OPHN1: variants seen among roughly 807,000 people sequenced by gnomAD.
OPHN1 encodes the protein oligophrenin 1.
Under a neutral mutation model 60.7 loss-of-function variants are expected in OPHN1, and 11 were observed. That is an observed-to-expected ratio of 0.18 (90% confidence interval 0.11 to 0.30). The LOEUF is 0.30. Ranked by LOEUF, OPHN1 falls within the 10% of genes least tolerant of loss-of-function variation. OPHN1 has a pLI of 1.00. For missense variants in OPHN1, 449 were observed against 611.0 expected (o/e 0.73, Z 2.80); for synonymous variants, 226 against 222.6 (o/e 1.02, Z -0.14).
In OPHN1 at chrX:68,053,647, A is replaced by C. The variant is rs775838595; in HGVS notation, c.2322T>G (p.Ser774=). The C allele has an allele frequency of 8.3e-7, 1 of 1,210,993 alleles. No individual in the cohort carries two copies. Among genetic ancestry groups the C allele is most frequent in the Non-Finnish European group, 1.1e-6 (1 of 895,098 alleles). ...CTTTGAGGTACAACCCTACTTACACAGATGATGTGATTTCCCCCGCATTGC... is the reference window on the plus strand; with the variant it reads ...CTTTGAGGTACAACCCTACTTACACCGATGATGTGATTTCCCCCGCATTGC... ...VAGNAGEITS[S]VVASRTRFFE... Residue 774 remains serine, a splice_region_variant and synonymous_variant, in exon 22 of 25, where the codon TCT becomes TCG. Transcript: ENST00000355520.
intron 2 of OPHN1, among the ~76,000 whole-genome samples, chrX:68,400,294 A>G (rs2078706999): frequency 9.0e-6 from 1 of 111,291 alleles, no homozygotes; most frequent in Non-Finnish European, 1.9e-5. Flanking sequence ...GTTTTGTCCA[A>G]TTCTTTGTCC....
chrX:68,222,022 C>T (rs1263080490), intron 6 of OPHN1, among the ~76,000 whole-genome samples: 7 of 107,960 alleles, frequency 6.5e-5, no homozygotes, highest in African/African-American at 2.4e-4. Flanking sequence ...TTTTCGCAAC[C>T]TACTCATCTG....
chrX:68,183,969 A>C (rs181049088), intron 15 of OPHN1, among the ~76,000 whole-genome samples: 49 of 111,490 alleles, frequency 4.4e-4, no homozygotes, highest in Non-Finnish European at 8.1e-4. Flanking sequence ...ATATAACCTG[A>C]CTCTAGGCTG....
chrX:68,406,783 A>C (rs2078745645), intron 2 of OPHN1, among the ~76,000 whole-genome samples: 1 of 112,799 alleles, frequency 8.9e-6, no homozygotes, highest in African/African-American at 3.2e-5. Context: ...AGACAGAATA[A>C]GACAAATAGA....
chrX:68,356,109 G>A (rs1164255572), intron 2 of OPHN1, among the ~76,000 whole-genome samples: 1 of 110,936 alleles, frequency 9.0e-6, no homozygotes, highest in East Asian at 2.8e-4. Context: ...GGGGCACGGT[G>A]CCCAAATATG....
intron 2 of OPHN1, among the ~76,000 whole-genome samples, chrX:68,428,997 G>A (rs1266522158): frequency 3.6e-5 from 4 of 112,079 alleles, no homozygotes; most frequent in Admixed American, 1.9e-4. Flanking sequence ...TTAAGAATCC[G>A]AAGATGTATT....
chrX:68,231,979 T>C (rs2077730927), intron 6 of OPHN1, among the ~76,000 whole-genome samples: 1 of 112,133 alleles, frequency 8.9e-6, no homozygotes, highest in Admixed American at 9.5e-5. Flanking sequence ...AATGAGAAAC[T>C]GTGTGAGGGA....
chrX:68,267,181 A>C (rs764851822), intron 5 of OPHN1, among the ~76,000 whole-genome samples: 3 of 111,586 alleles, frequency 2.7e-5, no homozygotes, highest in Non-Finnish European at 5.6e-5. Flanking sequence ...AGCAGACCTA[A>C]TAGACATCTA....
intron 15 of OPHN1, among the ~76,000 whole-genome samples, chrX:68,134,913 G>A (rs1455700935): frequency 9.0e-6 from 1 of 111,171 alleles, no homozygotes; most frequent in Non-Finnish European, 1.9e-5. Flanking sequence ...TTTTGAGCAG[G>A]TAGAAGTATA....
chrX:68,429,834 G>A (rs1366026383), intron 2 of OPHN1, among the ~76,000 whole-genome samples: 2 of 111,351 alleles, frequency 1.8e-5, no homozygotes, highest in African/African-American at 6.5e-5. Flanking sequence ...CCATGAGTTC[G>A]ATACCAGCCT....
At chrX:68,049,076 C>T (rs570272394) in intron 23 of OPHN1, among the ~76,000 whole-genome samples, 1 of 111,139 alleles carries the variant, frequency 9.0e-6, no homozygotes, top group South Asian at 3.9e-4. Flanking sequence ...TCAATTGCCA[C>T]CAAATACTAG....
At chrX:68,275,129 A>G (rs2077986597) in intron 4 of OPHN1, among the ~76,000 whole-genome samples, 1 of 112,418 alleles carries the variant, frequency 8.9e-6, no homozygotes, top group South Asian at 3.7e-4. Flanking sequence ...AAAAGAGAAG[A>G]GAAAGAGAAT....
At chrX:68,134,275 T>C (rs2077210235) in intron 15 of OPHN1, among the ~76,000 whole-genome samples, 1 of 111,694 alleles carries the variant, frequency 9.0e-6, no homozygotes, top group Admixed American at 9.4e-5. Flanking sequence ...CAACAGTGGA[T>C]TGTTTTTATG....
intron 15 of OPHN1, among the ~76,000 whole-genome samples, chrX:68,126,732 A>T (rs1055713736): frequency 1.8e-5 from 2 of 112,061 alleles, no homozygotes; most frequent in Non-Finnish European, 3.8e-5. Flanking sequence ...GGCATGAGCC[A>T]CTGTGCCCGG....
chrX:68,142,578 C>G (rs1466975225), intron 15 of OPHN1, among the ~76,000 whole-genome samples: 1 of 111,905 alleles, frequency 8.9e-6, no homozygotes, highest in Non-Finnish European at 1.9e-5. Context: ...CTGGCAATCA[C>G]TCTAAATAGG....
chrX:68,216,738 G>A (rs918882236), intron 6 of OPHN1, among the ~76,000 whole-genome samples: 12 of 111,535 alleles, frequency 1.1e-4, no homozygotes, highest in African/African-American at 3.9e-4. Flanking sequence ...AAACTGTACA[G>A]CTGACAAAGG....
intron 21 of OPHN1, among the ~76,000 whole-genome samples, chrX:68,063,220 A>C (rs1167328744): frequency 9.0e-6 from 1 of 110,956 alleles, no homozygotes. Context: ...AAAAAAAAAA[A>C]CAGGAATAAT....
At chrX:68,163,378 G>T (rs1303282477) in intron 15 of OPHN1, among the ~76,000 whole-genome samples, 1 of 108,955 alleles carries the variant, frequency 9.2e-6, no homozygotes, top group Non-Finnish European at 1.9e-5. Flanking sequence ...CATCCATGTT[G>T]TCGCAAATGG....
At chrX:68,223,161 A>C (rs2077671910) in intron 6 of OPHN1, among the ~76,000 whole-genome samples, 1 of 111,641 alleles carries the variant, frequency 9.0e-6, no homozygotes, top group Admixed American at 9.5e-5. Flanking sequence ...TAGAACTACT[A>C]TTTGATCCAA....
Sources: allele counts gnomAD v4.1 joint callset (sites outside exome capture counted in the v4.1 genomes callset), GRCh38; gene constraint gnomAD v4.1.1; transcripts MANE v1.5; gene names NCBI Gene and HGNC (gene_info 2026-07-23, HGNC 2026-07-21).